CADM1: variants seen among roughly 807,000 people sequenced by gnomAD.
The protein encoded by CADM1 is TSLC-1.
A neutral mutation model predicts 53.1 loss-of-function variants in CADM1; 15 were observed. That is an observed-to-expected ratio of 0.28 (90% confidence interval 0.19 to 0.44). CADM1 has a LOEUF of 0.44. Among genes scored for constraint, CADM1 ranks in the 20% least tolerant of loss-of-function variants. The probability of loss-of-function intolerance (pLI) is 1.00; values close to 1 mark genes in which losing one functional copy is unlikely to be tolerated. For synonymous variants in CADM1, 281 were observed against 243.0 expected, an observed-to-expected ratio of 1.16 and a Z score of -1.45; for missense variants, 434 against 611.3, an observed-to-expected ratio of 0.71 and a Z score of 3.06.
At chr11:115,414,957 C>T (rs943137118) in intron 1 of CADM1, among the ~76,000 whole-genome samples, 6 of 152,198 alleles carry the variant, frequency 3.9e-5, no homozygotes, top group Non-Finnish European at 5.9e-5. Flanking sequence ...CTTTTCTAGG[C>T]ATCAATTATC....
chr11:115,357,465 C>T (rs1304677193), intron 1 of CADM1, among the ~76,000 whole-genome samples: 7 of 152,160 alleles, frequency 4.6e-5, no homozygotes, highest in African/African-American at 7.2e-5. Context: ...AAAATCTATA[C>T]AGGCCATAAG....
chr11:115,306,236 C>A (rs755712934), intron 1 of CADM1, among the ~76,000 whole-genome samples: 4 of 151,894 alleles, frequency 2.6e-5, no homozygotes, highest in Non-Finnish European at 5.9e-5. Context: ...TACACAAACA[C>A]CATTGTGTTA....
At chr11:115,299,608 G>A (rs769822407) in intron 1 of CADM1, among the ~76,000 whole-genome samples, 1 of 152,138 alleles carries the variant, frequency 6.6e-6, no homozygotes, top group African/African-American at 2.4e-5. Context: ...TCTCAAAGTT[G>A]CACTGCTTTA....
At chr11:115,349,407 A>C (rs537597913) in intron 1 of CADM1, among the ~76,000 whole-genome samples, 6 of 152,360 alleles carry the variant, frequency 3.9e-5, no homozygotes, top group Admixed American at 1.3e-4. Flanking sequence ...AGAGCATGAC[A>C]ACCCAACCAA....
chr11:115,415,315 T>G (rs1473549443), intron 1 of CADM1, among the ~76,000 whole-genome samples: 7 of 148 alleles, frequency 0.047, no homozygotes, highest in Non-Finnish European at 0.081. Flanking sequence ...CCTTTCTCTA[T>G]ATAACTGACA....
At chr11:115,483,284 C>G (rs1187613489) in intron 1 of CADM1, among the ~76,000 whole-genome samples, 2 of 152,170 alleles carry the variant, frequency 1.3e-5, no homozygotes, top group Non-Finnish European at 2.9e-5. Flanking sequence ...GTTGCATTAA[C>G]CTGGCAGTCA....
intron 7 of CADM1, 83 bp downstream of exon 7, chr11:115,214,525 G>A: frequency 7.1e-7 from 1 of 1,404,184 alleles, no homozygotes; most frequent in Non-Finnish European, 1.0e-6. Flanking sequence ...TTTTCAACTT[G>A]ACCAAAAGCT....
chr11:115,370,026 C>A (rs1320450075), intron 1 of CADM1, among the ~76,000 whole-genome samples: 3 of 152,164 alleles, frequency 2.0e-5, no homozygotes, highest in African/African-American at 7.2e-5. Context: ...GCTTCATAGC[C>A]CTGATCTCTC....
intron 1 of CADM1, among the ~76,000 whole-genome samples, chr11:115,482,357 T>C (rs189924943): frequency 1.3e-5 from 2 of 152,340 alleles, no homozygotes; most frequent in East Asian, 1.9e-4. Context: ...TATAAGTTCC[T>C]TGATGGAAGA....
At chr11:115,337,379 ATTAG>A (rs1945295010) in intron 1 of CADM1, among the ~76,000 whole-genome samples, 1 of 152,080 alleles carries the variant, frequency 6.6e-6, no homozygotes, top group Non-Finnish European at 1.5e-5. Flanking sequence ...TTGCTATCCT[ATTAG>A]TTCTCAACAG....
chr11:115,498,820 G>A (rs1194387437), intron 1 of CADM1, among the ~76,000 whole-genome samples: 2 of 152,084 alleles, frequency 1.3e-5, no homozygotes, highest in African/African-American at 2.4e-5. Context: ...GGAAAAAGAG[G>A]GGCTGTATCT....
At chr11:115,222,990 G>A (rs1941461781) in intron 5 of CADM1, among the ~76,000 whole-genome samples, 1 of 152,022 alleles carries the variant, frequency 6.6e-6, no homozygotes, top group African/African-American at 2.4e-5. Flanking sequence ...TCTGTTTCTT[G>A]AAGTCTTGGT....
intron 1 of CADM1, among the ~76,000 whole-genome samples, chr11:115,502,057 A>T (rs910426895): frequency 6.6e-6 from 1 of 152,204 alleles, no homozygotes. Context: ...TTCCATGGTA[A>T]CTGGCAACAG....
chr11:115,493,561 A>G (rs1161968247), intron 1 of CADM1, among the ~76,000 whole-genome samples: 2 of 152,102 alleles, frequency 1.3e-5, no homozygotes, highest in African/African-American at 4.8e-5. Flanking sequence ...ATTAATTATA[A>G]AGGGACAAAA....
chr11:115,262,927 TGG>T, intron 1 of CADM1, among the ~76,000 whole-genome samples: 1 of 152,280 alleles, frequency 6.6e-6, no homozygotes, highest in South Asian at 2.1e-4. Context: ...TATTTAGCTG[TGG>T]TACAGTTACA....
At chr11:115,410,428 C>T (rs1386615100) in intron 1 of CADM1, among the ~76,000 whole-genome samples, 1 of 152,054 alleles carries the variant, frequency 6.6e-6, no homozygotes. Context: ...TTTTCATTTT[C>T]TTGCATTGTT....
intron 1 of CADM1, among the ~76,000 whole-genome samples, chr11:115,351,360 C>G (rs1223838868): frequency 6.6e-6 from 1 of 152,130 alleles, no homozygotes; most frequent in African/African-American, 2.4e-5. Context: ...ACAAATCTGA[C>G]AACAAAAGAA....
chr11:115,450,673 A>G (rs981958170), intron 1 of CADM1, among the ~76,000 whole-genome samples: 1 of 152,240 alleles, frequency 6.6e-6, no homozygotes, highest in Non-Finnish European at 1.5e-5. Context: ...AAGAACTGTG[A>G]AGCAGAAATA....
At chr11:115,328,188 A>G (rs1446175978) in intron 1 of CADM1, among the ~76,000 whole-genome samples, 1 of 151,980 alleles carries the variant, frequency 6.6e-6, no homozygotes, top group East Asian at 1.9e-4. Context: ...AGACACCCAG[A>G]ACGAAAATCC....
Sources: allele counts gnomAD v4.1 joint callset (sites outside exome capture counted in the v4.1 genomes callset), GRCh38; gene constraint gnomAD v4.1.1; transcripts MANE v1.5; gene names NCBI Gene and HGNC (gene_info 2026-07-23, HGNC 2026-07-21).